SORCS2: variants seen among roughly 807,000 people sequenced by gnomAD.
SORCS2 encodes sortilin related VPS10 domain containing receptor 2, also known as VPS10 domain-containing receptor SorCS2.
A neutral mutation model predicts 141.6 loss-of-function variants in SORCS2; 100 were observed. That is an observed-to-expected ratio of 0.71 (90% CI 0.60 to 0.83). The LOEUF is 0.83. SORCS2 is among the 40% of genes least tolerant of loss of function. The probability of loss-of-function intolerance (pLI) is 0.00; values close to 1 mark genes in which losing one functional copy is unlikely to be tolerated. For synonymous variants in SORCS2, 789 were observed against 676.9 expected (o/e 1.17, Z -2.57); for missense variants, 1,646 against 1,560.2 (o/e 1.05, Z -0.93).
chr4:7,230,087 A>T (rs1336494738), intron 1 of SORCS2, among the ~76,000 whole-genome samples: 2 of 134,968 alleles, frequency 1.5e-5, no homozygotes, highest in Non-Finnish European at 3.1e-5. Flanking sequence ...TCATGTGCTC[A>T]TGTATGAAGG....
At chr4:7,599,840 T>C (rs1018399058) in intron 3 of SORCS2, among the ~76,000 whole-genome samples, 6 of 149,362 alleles carry the variant, frequency 4.0e-5, no homozygotes, top group Non-Finnish European at 8.9e-5. Flanking sequence ...TTTTTTTTTA[T>C]TGAGACAGAG....
chr4:7,469,088 T>C (rs997700419), intron 2 of SORCS2, among the ~76,000 whole-genome samples: 1 of 151,840 alleles, frequency 6.6e-6, no homozygotes, highest in African/African-American at 2.4e-5. Flanking sequence ...GTGATTATAG[T>C]GAGGCTGGCT....
intron 1 of SORCS2, among the ~76,000 whole-genome samples, chr4:7,285,682 C>T (rs1349023300): frequency 6.6e-6 from 1 of 152,244 alleles, no homozygotes; most frequent in Non-Finnish European, 1.5e-5. Flanking sequence ...GGAGGATTTT[C>T]CTGGGGCCTC....
At chr4:7,688,731 G>T (rs1032885252) in intron 10 of SORCS2, among the ~76,000 whole-genome samples, 1 of 152,294 alleles carries the variant, frequency 6.6e-6, no homozygotes, top group South Asian at 2.1e-4. Context: ...GGAAGGCTGA[G>T]CCCAGAGTCA....
intron 3 of SORCS2, among the ~76,000 whole-genome samples, chr4:7,565,968 GTGA>G (rs1321095055): frequency 3.2e-5 from 3 of 93,208 alleles, no homozygotes; most frequent in Non-Finnish European, 5.4e-5. Flanking sequence ...TGGTGATGCT[GTGA>G]TGATGGTGAT....
chr4:7,646,175 G>T (rs1044088882), intron 4 of SORCS2, among the ~76,000 whole-genome samples: 2 of 152,256 alleles, frequency 1.3e-5, no homozygotes, highest in Admixed American at 6.5e-5. Context: ...CTCCCAGGAC[G>T]CAAGGAAGTC....
intron 1 of SORCS2, among the ~76,000 whole-genome samples, chr4:7,359,496 T>G (rs1721453278): frequency 1.3e-5 from 2 of 152,176 alleles, no homozygotes; most frequent in African/African-American, 4.8e-5. Flanking sequence ...GCTGTTTGTT[T>G]AATTGACTTT....
intron 3 of SORCS2, among the ~76,000 whole-genome samples, chr4:7,607,855 G>A (rs1431239580): frequency 2.0e-5 from 3 of 152,086 alleles, no homozygotes; most frequent in Non-Finnish European, 2.9e-5. Context: ...CCCCAGGGCT[G>A]TCTCTACCGC....
intron 3 of SORCS2, among the ~76,000 whole-genome samples, chr4:7,606,992 C>G (rs752818479): frequency 1.4e-4 from 22 of 152,212 alleles, no homozygotes; most frequent in Admixed American, 2.6e-4. Flanking sequence ...AAGTCCTACA[C>G]TTTATATGAA....
intron 1 of SORCS2, among the ~76,000 whole-genome samples, chr4:7,309,566 C>T (rs1718051687): frequency 6.6e-6 from 1 of 152,248 alleles, no homozygotes; most frequent in Admixed American, 6.5e-5. Context: ...GCCCTCCACA[C>T]AGGCATGTGG....
chr4:7,710,799 C>T (rs1239242227), intron 14 of SORCS2, among the ~76,000 whole-genome samples: 4 of 152,232 alleles, frequency 2.6e-5, no homozygotes, highest in African/African-American at 9.6e-5. Context: ...CACAGCCGTA[C>T]CTGGGGGCCT....
At chr4:7,672,550 A>G (rs1338782924) in intron 8 of SORCS2, among the ~76,000 whole-genome samples, 2 of 152,240 alleles carry the variant, frequency 1.3e-5, no homozygotes, top group Non-Finnish European at 2.9e-5. Flanking sequence ...ATGGAAGAAT[A>G]CATCTATTTA....
chr4:7,497,330 T>C (rs959681708), intron 2 of SORCS2, among the ~76,000 whole-genome samples: 3 of 152,250 alleles, frequency 2.0e-5, no homozygotes, highest in African/African-American at 7.2e-5. Context: ...GGGTTGGTGC[T>C]GTTGCCAGAG....
rs543194313 is a variant in SORCS2 at position 7,431,694 on chromosome 4, C to T, written c.548+35339C>T. The T allele has an allele frequency of 2.0e-5, 3 of 152,360 alleles. No individual in the cohort carries two copies. The East Asian group carries it at 5.8e-4, about 29-fold the overall frequency. The allele number at this position is 152,360 out of a possible 1,614,324, so 9.4% of individuals were successfully genotyped here. On this transcript the variant is annotated intron_variant, in intron 2 of 26. Coordinates refer to ENST00000507866, the MANE Select transcript of SORCS2 (RefSeq NM_020777.3). ...AGGCACGACCACCACCCCTTGCTGGCCTTATCTTTTGTGGGACTGCCCAGC... is the reference window on the plus strand; with the variant it reads ...AGGCACGACCACCACCCCTTGCTGGTCTTATCTTTTGTGGGACTGCCCAGC...
chr4:7,619,148 G>T (rs1718973278), intron 3 of SORCS2, among the ~76,000 whole-genome samples: 2 of 152,216 alleles, frequency 1.3e-5, no homozygotes, highest in African/African-American at 4.8e-5. Flanking sequence ...TCGAGGGTCA[G>T]CTACGAGGGT....
intron 1 of SORCS2, among the ~76,000 whole-genome samples, chr4:7,377,056 G>A (rs1285493451): frequency 6.6e-6 from 1 of 152,208 alleles, no homozygotes; most frequent in Non-Finnish European, 1.5e-5. Context: ...AGGCATATAA[G>A]CATGTGTTTT....
At chr4:7,637,604 A>G (rs1048057081) in intron 3 of SORCS2, among the ~76,000 whole-genome samples, 2 of 152,198 alleles carry the variant, frequency 1.3e-5, no homozygotes, top group African/African-American at 2.4e-5. Flanking sequence ...ATGAATGGCT[A>G]TGATTAGCAC....
chr4:7,433,169 C>G, intron 2 of SORCS2: 1 of 808,910 alleles, frequency 1.2e-6, no homozygotes, highest in Non-Finnish European at 1.7e-6. Flanking sequence ...CTTTCGGGAT[C>G]AGGAATACTT....
rs1560373090 is a variant in SORCS2, at chr4:7,543,735, C to CCCAT, written c.648+12110_648+12113dup. ...ACCCATCCACCCATCCACCCATCCA[C>CCCAT]CCATCCACCCATCCACCCATCCACC... On this transcript the variant is annotated intron_variant, in intron 3 of 26. Coordinates refer to ENST00000507866, the MANE Select transcript of SORCS2 (RefSeq NM_020777.3). 1.2e-4 allele frequency among the ~76,000 whole-genome samples: 8 copies of CCCAT among 68,202 alleles called. 1 individual carries two copies. The highest frequency in any genetic ancestry group is 1.8e-4 in the African/African-American group (3 of 16,574). The allele number at this position is 68,202 out of a possible 152,430, so 44.7% of individuals were successfully genotyped here.
Sources: allele counts gnomAD v4.1 joint callset (sites outside exome capture counted in the v4.1 genomes callset), GRCh38; gene constraint gnomAD v4.1.1; transcripts MANE v1.5; gene names NCBI Gene and HGNC (gene_info 2026-07-23, HGNC 2026-07-21).